Variants in FAM221A observed in about 807,000 individuals in gnomAD.
FAM221A encodes the protein family with sequence similarity 221 member A, also known as protein FAM221A.
Under a neutral mutation model 37.6 loss-of-function variants are expected in FAM221A, and 43 were observed. The observed-to-expected ratio is 1.15, with a 90% CI of 0.90 to 1.48. The LOEUF is 1.48. Among genes scored for constraint, FAM221A ranks in the 40% most tolerant of loss-of-function variants. The pLI is 0.00. For missense variants in FAM221A, 361 were observed against 361.5 expected, an observed-to-expected ratio of 1.00 and a Z score of 0.01; for synonymous variants, 135 against 132.9, an observed-to-expected ratio of 1.02 and a Z score of -0.11.
intron 1 of FAM221A, among the ~76,000 whole-genome samples, chr7:23,682,266 A>T (rs532564641): frequency 2.6e-5 from 4 of 151,658 alleles, no homozygotes; most frequent in Non-Finnish European, 5.9e-5. Flanking sequence ...GGATCTCACT[A>T]GGATGCCCAG....
chr7:23,690,502 G>C (rs1260033598), intron 3 of FAM221A, among the ~76,000 whole-genome samples: 1 of 152,030 alleles, frequency 6.6e-6, no homozygotes, highest in East Asian at 1.9e-4. Flanking sequence ...ACTGTGCCTA[G>C]CTGTTCCCAT....
At chr7:23,685,245 CTCAAAACAAA>C (rs996517461) in intron 2 of FAM221A, among the ~76,000 whole-genome samples, 1 of 145,306 alleles carries the variant, frequency 6.9e-6, no homozygotes, top group Non-Finnish European at 1.5e-5. Flanking sequence ...GAGACTCTGT[CTCAAAACAAA>C]GCAAAACAAA....
At chr7:23,701,014 A>G (rs918926255) in intron 6 of FAM221A, 146 bp downstream of exon 6, 19 of 571,678 alleles carry the variant, frequency 3.3e-5, no homozygotes, top group Non-Finnish European at 4.9e-5. Context: ...GGCTTATTAG[A>G]ATACACAGAA....
At chr7:23,686,454 G>A (rs183475423) in intron 2 of FAM221A, 7 of 303,436 alleles carry the variant, frequency 2.3e-5, no homozygotes, top group African/African-American at 1.2e-4. Flanking sequence ...TTGTAGAGAA[G>A]TGGTTTGGCT....
chr7:23,691,323 CTAAG>C, intron 3 of FAM221A, 63 bp from the exon 4 acceptor site: 1 of 1,510,406 alleles, frequency 6.6e-7, no homozygotes, highest in African/African-American at 1.4e-5. Flanking sequence ...TTTTGCCAGG[CTAAG>C]TGTCTTTAGG....
chr7:23,699,662 C>T (rs1785285670), intron 5 of FAM221A, among the ~76,000 whole-genome samples: 1 of 151,068 alleles, frequency 6.6e-6, no homozygotes, highest in Admixed American at 6.6e-5. Flanking sequence ...CCACCTCAGC[C>T]ACCTGAGTAG....
At position 23,680,662 on chromosome 7, in the gene FAM221A, G is replaced by T. The variant is rs538148104; in HGVS notation, c.65+379G>T. The T allele has an allele frequency of 6.3e-5, 11 of 173,644 alleles. No homozygotes were observed. The South Asian group carries it at 1.7e-3, about 27-fold the overall frequency. 10.8% of individuals were successfully genotyped at this position (173,644 alleles called of 1,614,324 possible). ...TTAACCCAGTAATTGAGTCAACCGT[G>T]AACTTCTGAACGCGCTCCCCACCCC... On this transcript the variant is annotated intron_variant, in intron 1 of 6. Coordinates refer to ENST00000344962, the MANE Select transcript of FAM221A (RefSeq NM_199136.5).
chr7:23,702,244 C>A lies in FAM221A; in HGVS notation c.*80C>A. On this transcript the variant is annotated 3_prime_UTR_variant, in exon 7 of 7. Transcript: ENST00000344962. ...AATGTAATAATACAGTTTATTTTTC[C>A]TGAAATTATTTACTTTTTTTTTTTA... 2.2e-6 allele frequency: 2 copies of A among 899,622 alleles called. No individual in the cohort carries two copies. The highest frequency in any genetic ancestry group is 3.2e-6 in the Non-Finnish European group (2 of 629,454). The allele number at this position is 899,622 out of a possible 1,614,324, so 55.7% of individuals were successfully genotyped here. A position where few individuals can be genotyped will look rare whatever the true frequency, so the allele number is the denominator to read the frequency against.
chr7:23,701,160 ATTC>A (rs1218566790), intron 6 of FAM221A, among the ~76,000 whole-genome samples: 1 of 151,596 alleles, frequency 6.6e-6, no homozygotes, highest in Non-Finnish European at 1.5e-5. Context: ...TGTATCTTGA[ATTC>A]TTTTTTTATA....
chr7:23,680,494 A>C (rs1403421793), intron 1 of FAM221A, among the ~76,000 whole-genome samples: 1 of 152,186 alleles, frequency 6.6e-6, no homozygotes. Context: ...TGAGTCTTCC[A>C]ATAACATTTA....
chr7:23,698,328 T>C (rs368005321), intron 5 of FAM221A, 29 bp downstream of exon 5: 4 of 1,224,204 alleles, frequency 3.3e-6, no homozygotes, highest in Non-Finnish European at 4.7e-6. Context: ...GAACTGTTTT[T>C]GGATGTAGTA....
At chr7:23,692,714 C>A in intron 4 of FAM221A, 8 of 983,498 alleles carry the variant, frequency 8.1e-6, no homozygotes, top group Non-Finnish European at 9.7e-6. Flanking sequence ...AAATTAAGTG[C>A]AAAACACCCT....
chr7:23,695,207 G>A (rs1784978686), intron 4 of FAM221A, among the ~76,000 whole-genome samples: 1 of 152,068 alleles, frequency 6.6e-6, no homozygotes, highest in Admixed American at 6.6e-5. Flanking sequence ...AAACTCCGAA[G>A]GTCAAGTAAT....
rs756193289 is a variant in FAM221A, at chr7:23,689,458, A to G, written c.429A>G (p.Thr143=). Residue 143 remains threonine (T), a splice_region_variant and synonymous_variant, in exon 3 of 7, where the codon ACA becomes ACG. Transcript: ENST00000344962. Reference sequence around the variant, plus strand: ...CTGCGCCTGGCTTTACATGCAATACATGTGAGTTATATTATTATAAACACA... The same window carrying G: ...CTGCGCCTGGCTTTACATGCAATACGTGTGAGTTATATTATTATAAACACA... ...HSAAPGFTCN[T]CSKCSGFHSC... is the part of the protein sequence containing the mutation. 2.6e-6 allele frequency: 4 copies of G among 1,549,766 alleles called. No individual in the cohort carries two copies. The highest frequency in any genetic ancestry group is 1.3e-5 in the African/African-American group (1 of 74,136).
Position 23,702,256 on chromosome 7 carries a change from AC to A in FAM221A, c.*93del, listed in dbSNP as rs1429052264. Reference sequence around the variant, plus strand: ...CAGTTTATTTTTCCTGAAATTATTTACTTTTTTTTTTTACTGTATAAATGTC... The same window carrying A: ...CAGTTTATTTTTCCTGAAATTATTTATTTTTTTTTTTACTGTATAAATGTC... On this transcript the variant is annotated 3_prime_UTR_variant, in exon 7 of 7. Coordinates refer to ENST00000344962, the MANE Select transcript of FAM221A (RefSeq NM_199136.5). 8 of 795,338 alleles carry A rather than the reference AC, an allele frequency of 1.0e-5. No individual in the cohort carries two copies. Among genetic ancestry groups the A allele is most frequent in the Middle Eastern group, 3.5e-4 (1 of 2,886 alleles). The allele number at this position is 795,338 out of a possible 1,614,324, so 49.3% of individuals were successfully genotyped here. A position where few individuals can be genotyped will look rare whatever the true frequency, so the allele number is the denominator to read the frequency against.
At chr7:23,682,671 T>C (rs1489474442) in intron 1 of FAM221A, among the ~76,000 whole-genome samples, 2 of 151,868 alleles carry the variant, frequency 1.3e-5, no homozygotes, top group Admixed American at 6.6e-5. Flanking sequence ...GTGATCCTCC[T>C]GCTTCCGCCT....
chr7:23,702,842 A>T (rs1785540884), downstream of FAM221A: 1 of 152,174 alleles, frequency 6.6e-6, no homozygotes, highest in African/African-American at 2.4e-5. Context: ...CAGGCTTCTG[A>T]TAGCGGAAGC....
chr7:23,695,763 GT>G (rs1785020989), intron 4 of FAM221A, among the ~76,000 whole-genome samples: 1 of 152,100 alleles, frequency 6.6e-6, no homozygotes, highest in Admixed American at 6.5e-5. Flanking sequence ...AAGCAAAAGT[GT>G]TTCATTGCTT....
chr7:23,689,227 C>G, intron 2 of FAM221A, 42 bp from the exon 3 acceptor site: 5 of 1,295,818 alleles, frequency 3.9e-6, no homozygotes, highest in Non-Finnish European at 5.4e-6. Flanking sequence ...TTTGATAATA[C>G]CTGTATTGTG....
Sources: gnomAD v4.1 joint callset for allele counts (sites outside exome capture counted in the v4.1 genomes callset) on GRCh38, gnomAD v4.1.1 for gene constraint, MANE v1.5 for transcripts, NCBI Gene and HGNC (gene_info 2026-07-23, HGNC 2026-07-21) for gene names.